Variants in KMO observed in about 807,000 individuals in gnomAD.
KMO encodes the protein kynurenine 3-monooxygenase.
A neutral mutation model predicts 57.8 loss-of-function variants in KMO; 24 were observed. That is an observed-to-expected ratio of 0.42 (90% CI 0.30 to 0.58). The LOEUF is 0.58. Among genes scored for constraint, KMO ranks in the 20% least tolerant of loss-of-function variants. The pLI is 0.22. For synonymous variants in KMO, 210 were observed against 193.6 expected, an observed-to-expected ratio of 1.08 and a Z score of -0.70; for missense variants, 483 against 588.2, an observed-to-expected ratio of 0.82 and a Z score of 1.85.
intron 10 of KMO, among the ~76,000 whole-genome samples, chr1:241,575,813 T>C (rs909753050): frequency 3.9e-5 from 6 of 151,938 alleles, no homozygotes; most frequent in Non-Finnish European, 8.8e-5. Context: ...GTTAATTCCA[T>C]TGACAGCACT....
In KMO at chr1:241,592,494, C is replaced by T; in HGVS notation, c.*341C>T. On this transcript the variant is annotated 3_prime_UTR_variant, in exon 15 of 15. Coordinates refer to ENST00000366559, the MANE Select transcript of KMO (RefSeq NM_003679.5). ...CTTTTCTTTAAAAGACACAATAGGACTCGCAACAGCATTGACTCAACACCT... is the reference window on the plus strand; with the variant it reads ...CTTTTCTTTAAAAGACACAATAGGATTCGCAACAGCATTGACTCAACACCT... 1 of 277,442 alleles carries T rather than the reference C, an allele frequency of 3.6e-6. No individual in the cohort carries two copies. The highest frequency in any genetic ancestry group is 6.9e-6 in the Non-Finnish European group (1 of 144,014). The allele number at this position is 277,442 out of a possible 1,614,324, so 17.2% of individuals were successfully genotyped here. A position where few individuals can be genotyped will look rare whatever the true frequency, so the allele number is the denominator to read the frequency against.
chr1:241,534,917 TTTTTATTTGTTAA>T (rs1193197110), intron 1 of KMO, among the ~76,000 whole-genome samples: 4 of 152,166 alleles, frequency 2.6e-5, no homozygotes, highest in Non-Finnish European at 1.5e-5. Flanking sequence ...CCCCTTTCCC[TTTTTATTTGTTAA>T]TCTTATCTAC....
intron 10 of KMO, among the ~76,000 whole-genome samples, chr1:241,570,716 T>C (rs1324940117): frequency 6.6e-6 from 1 of 152,174 alleles, no homozygotes; most frequent in Admixed American, 6.5e-5. Flanking sequence ...TCAGGTAATG[T>C]GATGCCTCCA....
intron 9 of KMO, 127 bp downstream of exon 9, chr1:241,566,739 C>A: frequency 2.1e-6 from 2 of 974,782 alleles, no homozygotes; most frequent in Non-Finnish European, 1.6e-6. Flanking sequence ...CAGAAACCTA[C>A]ATTAGAGCAA....
intron 14 of KMO, among the ~76,000 whole-genome samples, chr1:241,591,059 A>G (rs999538598): frequency 5.9e-5 from 9 of 152,162 alleles, no homozygotes; most frequent in Non-Finnish European, 8.8e-5. Context: ...TCAGGTATGG[A>G]TTTTAGAAAG....
chr1:241,561,327 T>C (rs1267838835), intron 6 of KMO, among the ~76,000 whole-genome samples: 1 of 152,194 alleles, frequency 6.6e-6, no homozygotes, highest in Non-Finnish European at 1.5e-5. Flanking sequence ...TCTAAAACCT[T>C]GATCACCTAC....
chr1:241,560,509 G>A (rs1405048918), intron 5 of KMO, among the ~76,000 whole-genome samples, 156 bp from the exon 6 acceptor site: 1 of 152,198 alleles, frequency 6.6e-6, no homozygotes, highest in Non-Finnish European at 1.5e-5. Context: ...TTACCAAACA[G>A]TTGTCAAATT....
rs76258209 is a variant in KMO, at chr1:241,541,514, G to A, written c.55-7315G>A. Among the ~76,000 whole-genome samples the A allele has an allele frequency of 1.3e-4, 20 of 152,254 alleles. No homozygotes were observed. The East Asian group carries it at 2.1e-3, about 16-fold the overall frequency. On this transcript the variant is annotated intron_variant, in intron 1 of 14. Transcript: ENST00000366559. ...AGTAGTCACAGATGGAGTTCAGGACGAAGATCAAGACTAGAGTAAAAGTCA... is the reference window on the plus strand; with the variant it reads ...AGTAGTCACAGATGGAGTTCAGGACAAAGATCAAGACTAGAGTAAAAGTCA...
chr1:241,571,467 C>A (rs1662275974), intron 10 of KMO, among the ~76,000 whole-genome samples: 1 of 151,964 alleles, frequency 6.6e-6, no homozygotes, highest in Non-Finnish European at 1.5e-5. Flanking sequence ...CCTTCTATAC[C>A]CAGTTTTTTG....
chr1:241,539,665 G>A (rs569629641), intron 1 of KMO, among the ~76,000 whole-genome samples: 1 of 152,244 alleles, frequency 6.6e-6, no homozygotes, highest in Admixed American at 6.5e-5. Context: ...TTACGCTCTA[G>A]ACCATCAATA....
Position 241,568,526 on chromosome 1 carries a change from T to G in KMO, c.836T>G (p.Leu279Arg), listed in dbSNP as rs752317339. 6.2e-7 allele frequency: 1 copy of G among 1,613,838 alleles called. No homozygotes were observed. Among genetic ancestry groups the G allele is most frequent in the African/African-American group, 1.3e-5 (1 of 74,918 alleles). The change falls in exon 10 of 15, where the codon CTG becomes CGG. Residue 279 changes from leucine to arginine, a missense_variant. Around this residue, in one of 3 missense-constraint regions of KMO, gnomAD observed 410 missense variants for 492.3 expected, o/e 0.83. Coordinates refer to ENST00000366559, the MANE Select transcript of KMO (RefSeq NM_003679.5). ...GEKLLVQDFFLLPAQPMISVK... is the reference protein window; with the variant it reads ...GEKLLVQDFFRLPAQPMISVK... ...AAACTCCTAGTGCAAGATTTCTTCC[T>G]GTTGCCTGCCCAGCCCATGATATCT...
intron 9 of KMO, 98 bp from the exon 10 acceptor site, chr1:241,568,402 C>T (rs936848225): frequency 8.1e-7 from 1 of 1,242,080 alleles, no homozygotes; most frequent in Middle Eastern, 2.1e-4. Context: ...TGTTTTTCAA[C>T]AAAACTTCGT....
intron 5 of KMO, among the ~76,000 whole-genome samples, chr1:241,558,776 T>TA (rs35450168): frequency 0.79 from 113,808 of 144,934 alleles, 46,355 homozygotes; most frequent in Non-Finnish European, 0.91. Context: ...CTAACCATGT[T>TA]AAAAAAAAAA....
At chr1:241,554,996 G>A (rs1402698291) in intron 4 of KMO, among the ~76,000 whole-genome samples, 21 of 150,922 alleles carry the variant, frequency 1.4e-4, no homozygotes, top group African/African-American at 4.9e-4. Context: ...AAAAAAAAAA[G>A]TATTGTACGC....
rs772756126 is a variant in KMO at position 241,588,843 on chromosome 1, G to T, written c.1098+13G>T. The T allele has an allele frequency of 1.9e-6, 3 of 1,596,740 alleles. No homozygotes were observed. Among genetic ancestry groups the T allele is most frequent in the Non-Finnish European group, 2.6e-6 (3 of 1,164,926 alleles). ...CAATTACATAGAGGTGAGTGAGAAG[G>T]TTTGGCTTTATTCCATGAGATGGTT... On this transcript the variant is annotated intron_variant, in intron 12 of 14. Coordinates refer to ENST00000366559, the MANE Select transcript of KMO (RefSeq NM_003679.5).
At chr1:241,577,486 G>T (rs1362200536) in intron 10 of KMO, among the ~76,000 whole-genome samples, 1 of 152,062 alleles carries the variant, frequency 6.6e-6, no homozygotes, top group African/African-American at 2.4e-5. Context: ...GGCTCTTGGT[G>T]CTTTCAGAGT....
intron 1 of KMO, among the ~76,000 whole-genome samples, chr1:241,547,067 C>G (rs1429936240): frequency 1.3e-5 from 2 of 152,088 alleles, no homozygotes; most frequent in African/African-American, 4.8e-5. Flanking sequence ...GATGACTTTA[C>G]CAAATACAGG....
At chr1:241,560,807 G>A in intron 6 of KMO, 55 bp downstream of exon 6, 2 of 1,124,198 alleles carry the variant, frequency 1.8e-6, no homozygotes, top group South Asian at 2.5e-5. Context: ...GTGGAGAATT[G>A]TATCTGCAAA....
chr1:241,539,596 T>C (rs985573969), intron 1 of KMO, among the ~76,000 whole-genome samples: 15 of 152,232 alleles, frequency 9.9e-5, no homozygotes, highest in African/African-American at 1.9e-4. Flanking sequence ...TCTGAATCTC[T>C]TTCGTGTGCT....
Sources: allele counts gnomAD v4.1 joint callset (sites outside exome capture counted in the v4.1 genomes callset), GRCh38; gene constraint gnomAD v4.1.1; regional missense constraint gnomAD v4.1.1; transcripts MANE v1.5; gene names NCBI Gene and HGNC (gene_info 2026-07-23, HGNC 2026-07-21).